IGSF10: variants seen among roughly 807,000 people sequenced by gnomAD.
IGSF10 encodes calvaria mechanical force protein 608.
IGSF10 carries 126 observed loss-of-function variants against 128.2 expected under a neutral mutation model. The ratio of observed to expected loss-of-function variants is 0.98; its 90% CI spans 0.85 to 1.14. IGSF10 has a LOEUF of 1.14. Among genes scored for constraint, IGSF10 ranks in the 50% most tolerant of loss-of-function variants. IGSF10 has a pLI of 0.00. For missense variants in IGSF10, 3,295 were observed against 3,149.8 expected (o/e 1.05, Z -1.10); for synonymous variants, 1,185 against 1,146.2 (o/e 1.03, Z -0.68).
rs1369524859 is a variant in IGSF10 at position 151,447,976 on chromosome 3, G to A, written c.2005C>T (p.Pro669Ser). Residue 669 changes from proline (P) to serine (S), a missense_variant, in exon 6 of 8, where the codon CCC becomes TCC. Physicochemically the swap from Pro to Ser is moderately conservative, Grantham distance 74. Transcript: ENST00000282466. Reference protein sequence around the residue: ...QVSVKMKGQRPLEHDGETEGS... With the variant: ...QVSVKMKGQRSLEHDGETEGS... Reference sequence around the variant, plus strand: ...TCTGTTTCTCCATCATGCTCCAAGGGCCTTTGTCCTTTCATCTTGACTGAA... The same window carrying A: ...TCTGTTTCTCCATCATGCTCCAAGGACCTTTGTCCTTTCATCTTGACTGAA... The A allele has an allele frequency of 1.2e-6, 2 of 1,613,982 alleles. No individual in the cohort carries two copies. Among genetic ancestry groups the A allele is most frequent in the Non-Finnish European group, 1.7e-6 (2 of 1,180,022 alleles).
chr3:151,558,005 A>ATTATATATTATATATATATATT, the IGSF10 span, among the ~76,000 whole-genome samples: 1 of 39,554 alleles, frequency 2.5e-5, no homozygotes, highest in African/African-American at 1.2e-4. Context: ...AAGTATATAT[A>ATTATATATTATATATATATATT]ATATATATAT....
chr3:151,573,482 G>A, the IGSF10 span, among the ~76,000 whole-genome samples: 10,761 of 152,056 alleles, frequency 0.071, 850 homozygotes, highest in African/African-American at 0.19. Context: ...CAATTATGTA[G>A]TGGCCTTCTT....
the IGSF10 span, among the ~76,000 whole-genome samples, chr3:151,577,836 A>C: frequency 6.6e-6 from 1 of 152,222 alleles, no homozygotes; most frequent in Non-Finnish European, 1.5e-5. Flanking sequence ...GAGATGAGTA[A>C]GTGAGCTCAC....
At chr3:151,607,402 TA>T in the IGSF10 span, among the ~76,000 whole-genome samples, 4 of 151,016 alleles carry the variant, frequency 2.6e-5, no homozygotes, top group African/African-American at 9.7e-5. Context: ...TATAAAATTT[TA>T]AAAAAAAACC....
the IGSF10 span, among the ~76,000 whole-genome samples, chr3:151,502,422 C>T: frequency 1.3e-5 from 2 of 151,952 alleles, no homozygotes; most frequent in Admixed American, 6.6e-5. Context: ...GTATTTTAGT[C>T]ACTTTTGGCC....
the IGSF10 span, among the ~76,000 whole-genome samples, chr3:151,487,760 C>T: frequency 1.3e-5 from 2 of 151,648 alleles, no homozygotes; most frequent in East Asian, 1.9e-4. Flanking sequence ...ATGCAGAAGT[C>T]CTTGGACAAA....
At chr3:151,518,389 C>T in the IGSF10 span, among the ~76,000 whole-genome samples, 1 of 151,988 alleles carries the variant, frequency 6.6e-6, no homozygotes, top group Non-Finnish European at 1.5e-5. Flanking sequence ...CAGGAGACTG[C>T]TCGATTCATG....
At chr3:151,514,932 C>T in the IGSF10 span, among the ~76,000 whole-genome samples, 1 of 152,140 alleles carries the variant, frequency 6.6e-6, no homozygotes. Flanking sequence ...CATTTCCCAC[C>T]AGTTAGAATG....
At chr3:151,499,866 T>A in the IGSF10 span, 1 of 152,154 alleles carries the variant, frequency 6.6e-6, no homozygotes, top group South Asian at 2.1e-4. Flanking sequence ...TGCTGCCATG[T>A]TACATGTAAA....
the IGSF10 span, among the ~76,000 whole-genome samples, chr3:151,505,262 GTCC>G: frequency 3.4e-4 from 52 of 152,260 alleles, no homozygotes; most frequent in African/African-American, 1.2e-3. Context: ...AAGCAAACAT[GTCC>G]TCCTTCACAT....
At chr3:151,550,251 G>A in the IGSF10 span, among the ~76,000 whole-genome samples, 7 of 152,064 alleles carry the variant, frequency 4.6e-5, no homozygotes, top group South Asian at 4.1e-4. Flanking sequence ...GCATATCTCC[G>A]GAGTAGTGAG....
At chr3:151,469,191 A>G in the IGSF10 span, among the ~76,000 whole-genome samples, 2 of 152,236 alleles carry the variant, frequency 1.3e-5, no homozygotes, top group East Asian at 1.9e-4. Flanking sequence ...TAGTGCTGCA[A>G]TGAACATATG....
At chr3:151,571,203 T>C in the IGSF10 span, among the ~76,000 whole-genome samples, 1 of 152,232 alleles carries the variant, frequency 6.6e-6, no homozygotes, top group Admixed American at 6.5e-5. Flanking sequence ...AAGATTGTCT[T>C]GGCAATGAAG....
chr3:151,523,910 T>C, the IGSF10 span, among the ~76,000 whole-genome samples: 1 of 152,188 alleles, frequency 6.6e-6, no homozygotes, highest in African/African-American at 2.4e-5. Flanking sequence ...ACCTTGTATC[T>C]GACAAAGGTC....
At chr3:151,497,099 C>T in the IGSF10 span, among the ~76,000 whole-genome samples, 6 of 152,218 alleles carry the variant, frequency 3.9e-5, no homozygotes, top group East Asian at 1.2e-3. Context: ...GAGTAGGTTG[C>T]AAAAATTTTC....
rs746084072 is a variant in IGSF10, at chr3:151,453,583, T to C, written c.516A>G (p.Thr172=). Residue 172 remains threonine (T), a synonymous_variant, in exon 5 of 8, where the codon ACA becomes ACG. Transcript: ENST00000282466. The part of the protein sequence containing the change: ...GNQLTKLHPD[T]FVSLSYLQIF... ...TCTGGAGGTAGCTCAAAGAGACAAA[T>C]GTATCTGGGTGGAGCTTAGTGAGCT... The C allele has an allele frequency of 2.7e-5, 43 of 1,613,728 alleles. No individual in the cohort carries two copies. The highest frequency in any genetic ancestry group is 3.4e-5 in the Non-Finnish European group (40 of 1,179,828).
At chr3:151,606,233 AT>A in the IGSF10 span, among the ~76,000 whole-genome samples, 4 of 152,182 alleles carry the variant, frequency 2.6e-5, no homozygotes, top group African/African-American at 9.7e-5. Flanking sequence ...CCTGAGAGTA[AT>A]TTTAAAAATT....
the IGSF10 span, among the ~76,000 whole-genome samples, chr3:151,523,165 G>A: frequency 1.3e-5 from 2 of 152,102 alleles, no homozygotes; most frequent in Non-Finnish European, 2.9e-5. Context: ...ATAATTTAGA[G>A]ATGACACAAA....
At chr3:151,528,208 G>A in the IGSF10 span, among the ~76,000 whole-genome samples, 1 of 152,180 alleles carries the variant, frequency 6.6e-6, no homozygotes, top group Admixed American at 6.5e-5. Flanking sequence ...AAACATAATA[G>A]ACTCTCAGAA....
Sources: gnomAD v4.1 joint callset for allele counts (sites outside exome capture counted in the v4.1 genomes callset) on GRCh38, gnomAD v4.1.1 for gene constraint, MANE v1.5 for transcripts, NCBI Gene and HGNC (gene_info 2026-07-23, HGNC 2026-07-21) for gene names.